SLCO5A1: variants seen among roughly 807,000 people sequenced by gnomAD.
SLCO5A1 encodes solute carrier organic anion transporter family member 5A1, also known as organic anion transporter polypeptide-related protein 4.
Under a neutral mutation model 65.1 loss-of-function variants are expected in SLCO5A1, and 39 were observed. That is an observed-to-expected ratio of 0.60 (90% CI 0.46 to 0.78). The LOEUF (loss-of-function observed/expected upper bound fraction) is 0.78. SLCO5A1 is among the 30% of genes least tolerant of loss of function. SLCO5A1 has a pLI of 0.00. For synonymous variants in SLCO5A1, 438 were observed against 415.7 expected (o/e 1.05, Z -0.65); for missense variants, 1,029 against 1,069.4 (o/e 0.96, Z 0.53).
In SLCO5A1 at chr8:69,688,443, G is replaced by A. The variant is rs1418092026; in HGVS notation, c.1623-6100C>T. 5.3e-5 allele frequency among the ~76,000 whole-genome samples: 8 copies of A among 151,924 alleles called. No homozygotes were observed. In the South Asian group the frequency reaches 6.3e-4, roughly 12 times the overall value. ...GCTGGTGTGCTGCACCCATTAACTC[G>A]TCATTTAGCATTAGGTATATCTCCC... On this transcript the variant is annotated intron_variant, in intron 6 of 9. Coordinates refer to ENST00000260126, the MANE Select transcript of SLCO5A1 (RefSeq NM_030958.3).
intron 2 of SLCO5A1, among the ~76,000 whole-genome samples, chr8:69,774,256 C>G (rs1053033003): frequency 6.6e-6 from 1 of 152,198 alleles, no homozygotes; most frequent in African/African-American, 2.4e-5. Flanking sequence ...GCTAGGCCCT[C>G]AGGGCTGCCC....
chr8:69,831,775 A>C lies in SLCO5A1; in HGVS notation c.899T>G (p.Leu300Trp). Residue 300 changes from leucine to tryptophan, a missense_variant, in exon 2 of 10, where the codon TTG (leucine) becomes TGG (tryptophan). Around this residue, in one of 3 missense-constraint regions of SLCO5A1, gnomAD observed 647 missense variants for 647.5 expected, o/e 1.00. Transcript: ENST00000260126. ...DDNVKKENSS[L>W]YLAIMYVMGA... ...GAACAGGAAAGTCTTACCTAGGTAC[A>C]AGGAGGAGTTTTCTTTCTTGACATT... The C allele has an allele frequency of 6.2e-7, 1 of 1,613,888 alleles. No individual in the cohort carries two copies. The highest frequency in any genetic ancestry group is 8.5e-7 in the Non-Finnish European group (1 of 1,179,952).
At chr8:69,707,697 G>T (rs1302439333) in intron 5 of SLCO5A1, among the ~76,000 whole-genome samples, 1 of 152,206 alleles carries the variant, frequency 6.6e-6, no homozygotes, top group East Asian at 1.9e-4. Flanking sequence ...ACTCAAGTCA[G>T]AGAAGTGGTC....
chr8:69,804,849 G>A (rs1208032687), intron 2 of SLCO5A1, among the ~76,000 whole-genome samples: 1 of 152,146 alleles, frequency 6.6e-6, no homozygotes, highest in Non-Finnish European at 1.5e-5. Context: ...ACATGTCAGA[G>A]TCCTATTCGT....
intron 5 of SLCO5A1, among the ~76,000 whole-genome samples, chr8:69,730,575 C>G (rs1278007924): frequency 6.6e-6 from 1 of 152,266 alleles, no homozygotes; most frequent in East Asian, 1.9e-4. Context: ...CTGGAATTAG[C>G]CTGAGCTGTC....
chr8:69,751,443 C>G (rs1817295632), intron 4 of SLCO5A1, among the ~76,000 whole-genome samples: 1 of 152,074 alleles, frequency 6.6e-6, no homozygotes, highest in Non-Finnish European at 1.5e-5. Context: ...CAGATTTTCT[C>G]AATGTCTGTC....
Position 69,668,090 on chromosome 8 carries a change from G to A in SLCO5A1, c.*4779C>T, listed in dbSNP as rs975163482. On this transcript the variant is annotated 3_prime_UTR_variant, in exon 10 of 10. Coordinates refer to ENST00000260126, the MANE Select transcript of SLCO5A1 (RefSeq NM_030958.3). ...AGCAAACACCTAGGGAGGGTTTTTT[G>A]TTTTCTGTTTTTTGTTGTTGTTGTT... The A allele has an allele frequency of 6.6e-6, 1 of 152,034 alleles. No homozygotes were observed. The highest frequency in any genetic ancestry group is 1.5e-5 in the Non-Finnish European group (1 of 68,000). The allele number at this position is 152,034 out of a possible 1,614,324, so 9.4% of individuals were successfully genotyped here. A position where few individuals can be genotyped will look rare whatever the true frequency, so the allele number is the denominator to read the frequency against.
chr8:69,685,905 G>A (rs1442346910), intron 6 of SLCO5A1, among the ~76,000 whole-genome samples: 1 of 152,114 alleles, frequency 6.6e-6, no homozygotes, highest in East Asian at 1.9e-4. Flanking sequence ...ACAGATGATT[G>A]TTAAACATAA....
At chr8:69,770,186 T>C (rs1329906257) in intron 2 of SLCO5A1, among the ~76,000 whole-genome samples, 1 of 152,232 alleles carries the variant, frequency 6.6e-6, no homozygotes, top group Non-Finnish European at 1.5e-5. Context: ...TATCTTATAC[T>C]TCATAGTCAA....
At chr8:69,742,667 C>T (rs546037788) in intron 4 of SLCO5A1, among the ~76,000 whole-genome samples, 53 of 152,186 alleles carry the variant, frequency 3.5e-4, no homozygotes, top group Middle Eastern at 3.4e-3. Context: ...CACGTGCACA[C>T]GGACCTGGTG....
chr8:69,711,981 T>C (rs931036129), intron 5 of SLCO5A1, among the ~76,000 whole-genome samples: 2 of 152,240 alleles, frequency 1.3e-5, no homozygotes, highest in Non-Finnish European at 2.9e-5. Context: ...ATCTATAGAA[T>C]TGAATTTAAG....
intron 2 of SLCO5A1, among the ~76,000 whole-genome samples, chr8:69,778,230 T>G (rs995029539): frequency 1.6e-3 from 136 of 86,348 alleles, no homozygotes; most frequent in East Asian, 9.6e-4. Context: ...ATGTATGGGG[T>G]GTGTGTGTGT....
At chr8:69,761,004 C>CA (rs376400752) in intron 3 of SLCO5A1, among the ~76,000 whole-genome samples, 104 of 152,202 alleles carry the variant, frequency 6.8e-4, no homozygotes, top group African/African-American at 2.3e-3. Context: ...AAAGCAGACA[C>CA]CAAATACAAT....
intron 2 of SLCO5A1, among the ~76,000 whole-genome samples, chr8:69,762,118 TTTTCTTTCTTTCTTTCTTTCTTTC>T (rs552749800): frequency 0.073 from 7,661 of 104,650 alleles, 484 homozygotes; most frequent in African/African-American, 0.082. Context: ...TTTTGTTTTG[TTTTCTTTCTTTCTTTCTTTCTTTC>T]TTTCTTTCTT....
At chr8:69,738,002 G>T in intron 5 of SLCO5A1, 38 bp downstream of exon 5, 2 of 1,593,734 alleles carry the variant, frequency 1.3e-6, no homozygotes, top group Non-Finnish European at 1.7e-6. Flanking sequence ...TGGTCAAAAT[G>T]ATCATGTTTT....
chr8:69,727,092 A>G (rs1816116090), intron 5 of SLCO5A1, among the ~76,000 whole-genome samples: 1 of 152,198 alleles, frequency 6.6e-6, no homozygotes, highest in African/African-American at 2.4e-5. Context: ...CAGGCAGCCT[A>G]CAAGGTTCAC....
At chr8:69,829,185 C>T (rs1328080490) in intron 2 of SLCO5A1, among the ~76,000 whole-genome samples, 3 of 152,166 alleles carry the variant, frequency 2.0e-5, no homozygotes, top group Non-Finnish European at 4.4e-5. Flanking sequence ...ATATAAAACA[C>T]CCAGCATTAC....
chr8:69,787,342 ACT>A (rs1309124336), intron 2 of SLCO5A1, among the ~76,000 whole-genome samples: 1 of 152,282 alleles, frequency 6.6e-6, no homozygotes, highest in African/African-American at 2.4e-5. Flanking sequence ...GTGTCCGGCC[ACT>A]GACCCGAAAG....
chr8:69,754,698 T>C (rs1032179643), intron 4 of SLCO5A1, among the ~76,000 whole-genome samples: 1 of 152,226 alleles, frequency 6.6e-6, no homozygotes, highest in African/African-American at 2.4e-5. Context: ...TATTGTCTGG[T>C]CATGATCACT....
Sources: gnomAD v4.1 joint callset for allele counts (sites outside exome capture counted in the v4.1 genomes callset) on GRCh38, gnomAD v4.1.1 for gene constraint, gnomAD v4.1.1 regional missense constraint, MANE v1.5 for transcripts, NCBI Gene and HGNC (gene_info 2026-07-23, HGNC 2026-07-21) for gene names.